PRKN: variants seen among roughly 807,000 people sequenced by gnomAD.
The protein encoded by PRKN is parkin RBR E3 ubiquitin protein ligase.
Under a neutral mutation model 59.5 loss-of-function variants are expected in PRKN, and 56 were observed. That is an observed-to-expected ratio of 0.94 (90% confidence interval 0.76 to 1.18). The LOEUF (loss-of-function observed/expected upper bound fraction) is 1.18, where lower values mean the gene tolerates loss of function less well. Among genes scored for constraint, PRKN ranks in the 50% most tolerant of loss-of-function variants. PRKN has a pLI of 0.00. For synonymous variants in PRKN, 250 were observed against 222.1 expected (o/e 1.13, Z -1.12); for missense variants, 657 against 596.4 (o/e 1.10, Z -1.06).
intron 2 of PRKN, among the ~76,000 whole-genome samples, chr6:162,355,179 G>C (rs1479514940): frequency 6.6e-6 from 1 of 151,296 alleles, no homozygotes; most frequent in African/African-American, 2.4e-5. Context: ...TGATAATAGA[G>C]AAATTGGACT....
intron 2 of PRKN, among the ~76,000 whole-genome samples, chr6:162,364,476 CATAAAATAA>C (rs1785313402): frequency 6.6e-6 from 1 of 152,004 alleles, no homozygotes; most frequent in African/African-American, 2.4e-5. Context: ...CAAATAAAAA[CATAAAATAA>C]ATAAAATAAA....
chr6:162,359,079 A>AAAAAAAAAAAAAAATATATATAT (rs57265104), intron 2 of PRKN, among the ~76,000 whole-genome samples: 1 of 83,272 alleles, frequency 1.2e-5, no homozygotes, highest in Admixed American at 1.4e-4. Flanking sequence ...AAAAAAAAAA[A>AAAAAAAAAAAAAAATATATATAT]ATATATATAT....
intron 9 of PRKN, among the ~76,000 whole-genome samples, chr6:161,412,181 C>T (rs1357952752): frequency 1.3e-5 from 2 of 149,672 alleles, no homozygotes; most frequent in Non-Finnish European, 3.0e-5. Flanking sequence ...ATTCCTTCCT[C>T]ACTCATTCCT....
chr6:162,182,346 CAG>C (rs1389678237), intron 4 of PRKN, among the ~76,000 whole-genome samples: 3 of 152,282 alleles, frequency 2.0e-5, no homozygotes, highest in Non-Finnish European at 4.4e-5. Context: ...ATATTGAAGA[CAG>C]ACTTATAAAA....
At chr6:162,390,684 C>T (rs1475936985) in intron 2 of PRKN, among the ~76,000 whole-genome samples, 1 of 151,988 alleles carries the variant, frequency 6.6e-6, no homozygotes, top group Non-Finnish European at 1.5e-5. Context: ...CTCAACTGAT[C>T]CACCCACCTC....
chr6:162,269,571 A>G (rs901787083), intron 2 of PRKN: 3 of 152,250 alleles, frequency 2.0e-5, no homozygotes, highest in African/African-American at 7.2e-5. Context: ...GTGTGCTTTT[A>G]TCAGCATACT....
chr6:161,984,270 T>C (rs1175485274), intron 5 of PRKN, among the ~76,000 whole-genome samples: 3 of 152,166 alleles, frequency 2.0e-5, no homozygotes, highest in Admixed American at 2.0e-4. Flanking sequence ...TTTATTTATT[T>C]ATTTTGAGAT....
intron 1 of PRKN, among the ~76,000 whole-genome samples, chr6:162,558,752 C>A (rs1779715889): frequency 6.6e-6 from 1 of 151,974 alleles, no homozygotes; most frequent in African/African-American, 2.4e-5. Context: ...GATTCTTCTG[C>A]CTCAGCCTCC....
chr6:161,846,417 G>C, intron 6 of PRKN, among the ~76,000 whole-genome samples: 1 of 152,040 alleles, frequency 6.6e-6, no homozygotes, highest in South Asian at 2.1e-4. Context: ...TAATTATTAT[G>C]CTCTTTATGC....
At chr6:161,494,629 G>T (rs1163020867) in intron 9 of PRKN, among the ~76,000 whole-genome samples, 1 of 152,164 alleles carries the variant, frequency 6.6e-6, no homozygotes, top group Admixed American at 6.6e-5. Context: ...TAACAAAACT[G>T]AACATTTTAA....
chr6:162,294,739 A>G (rs184858096), intron 2 of PRKN, among the ~76,000 whole-genome samples: 1 of 146,380 alleles, frequency 6.8e-6, no homozygotes, highest in East Asian at 1.9e-4. Context: ...AATAAGAGTA[A>G]AAAAAAAGAG....
chr6:162,494,105 T>G (rs1016984058), intron 1 of PRKN, among the ~76,000 whole-genome samples: 1 of 152,210 alleles, frequency 6.6e-6, no homozygotes, highest in Non-Finnish European at 1.5e-5. Context: ...TGGACTACAT[T>G]TCCCAGAATC....
chr6:161,867,759 T>TTATTCATTTATG, intron 6 of PRKN, among the ~76,000 whole-genome samples: 1 of 150,230 alleles, frequency 6.7e-6, no homozygotes, highest in African/African-American at 2.4e-5. Flanking sequence ...ATTTATTTAT[T>TTATTCATTTATG]TATTTATTTA....
chr6:162,718,663 CG>C (rs1178243666), intron 1 of PRKN, among the ~76,000 whole-genome samples: 1 of 151,502 alleles, frequency 6.6e-6, no homozygotes, highest in African/African-American at 2.4e-5. Context: ...CAGTGAGCCG[CG>C]ATCACGCCAC....
intron 6 of PRKN, among the ~76,000 whole-genome samples, chr6:161,931,302 G>T (rs1779162800): frequency 6.6e-6 from 1 of 152,062 alleles, no homozygotes; most frequent in African/African-American, 2.4e-5. Flanking sequence ...GCTGGGCATG[G>T]TGGTATGTGT....
chr6:162,482,941 CAGCT>C (rs5881477), intron 1 of PRKN, among the ~76,000 whole-genome samples: 81,891 of 151,588 alleles, frequency 0.54, 22,491 homozygotes, highest in African/African-American at 0.65. Flanking sequence ...CATTGTTGGA[CAGCT>C]AGCTCTATTT....
chr6:162,421,176 T>G (rs570755365), intron 2 of PRKN, among the ~76,000 whole-genome samples: 223 of 152,324 alleles, frequency 1.5e-3, no homozygotes, highest in African/African-American at 5.1e-3. Context: ...GAAATCTTAT[T>G]ATGCACGATG....
At chr6:162,019,816 C>G (rs190783104) in intron 5 of PRKN, among the ~76,000 whole-genome samples, 1 of 151,998 alleles carries the variant, frequency 6.6e-6, no homozygotes, top group African/African-American at 2.4e-5. Flanking sequence ...GTCAGGAGCT[C>G]GAGACCAGCC....
chr6:161,900,397 G>A (rs1031173002), intron 6 of PRKN, among the ~76,000 whole-genome samples: 1 of 147,046 alleles, frequency 6.8e-6, no homozygotes, highest in African/African-American at 2.5e-5. Flanking sequence ...GCCACTGAGT[G>A]TGGGATCAAA....
Sources: gnomAD v4.1 joint callset for allele counts (sites outside exome capture counted in the v4.1 genomes callset) on GRCh38, gnomAD v4.1.1 for gene constraint, MANE v1.5 for transcripts, NCBI Gene and HGNC (gene_info 2026-07-23, HGNC 2026-07-21) for gene names.